UNC5D: variants seen among roughly 807,000 people sequenced by gnomAD.
UNC5D encodes the protein unc-5 netrin receptor D, also known as netrin receptor UNC5D.
A neutral mutation model predicts 105.4 loss-of-function variants in UNC5D; 39 were observed. The observed-to-expected ratio is 0.37, with a 90% confidence interval of 0.29 to 0.48. UNC5D has a LOEUF of 0.48. Ranked by LOEUF, UNC5D falls within the 20% of genes least tolerant of loss-of-function variation. The pLI is 0.98. For synonymous variants in UNC5D, 452 were observed against 450.4 expected, an observed-to-expected ratio of 1.00 and a Z score of -0.04; for missense variants, 991 against 1,202.4, an observed-to-expected ratio of 0.82 and a Z score of 2.60.
At chr8:35,400,556 TAAAAC>T (rs1804393059) in intron 1 of UNC5D, among the ~76,000 whole-genome samples, 1 of 152,166 alleles carries the variant, frequency 6.6e-6, no homozygotes, top group Non-Finnish European at 1.5e-5. Flanking sequence ...TTTTGGTTAA[TAAAAC>T]AAAACCCTGC....
chr8:35,781,221 A>C (rs921912199), intron 16 of UNC5D, among the ~76,000 whole-genome samples: 1 of 152,324 alleles, frequency 6.6e-6, no homozygotes. Flanking sequence ...CCAGTGATTC[A>C]TGAAACTGCC....
At chr8:35,354,267 C>G (rs887458223) in intron 1 of UNC5D, among the ~76,000 whole-genome samples, 1 of 151,608 alleles carries the variant, frequency 6.6e-6, no homozygotes, top group Admixed American at 6.6e-5. Context: ...CTTTTCTTTC[C>G]CCCCCTCTCT....
chr8:35,354,771 G>A (rs1373906903), intron 1 of UNC5D, among the ~76,000 whole-genome samples: 6 of 152,126 alleles, frequency 3.9e-5, no homozygotes, highest in Admixed American at 2.0e-4. Flanking sequence ...TCTGCGTCAG[G>A]ATGTTGGGAA....
intron 3 of UNC5D, among the ~76,000 whole-genome samples, chr8:35,591,855 C>T (rs915147452): frequency 6.6e-6 from 1 of 152,158 alleles, no homozygotes; most frequent in African/African-American, 2.4e-5. Context: ...TAGTAGAGGA[C>T]ATTTCTTACT....
chr8:35,680,894 T>C (rs1179006527), intron 4 of UNC5D, among the ~76,000 whole-genome samples: 3 of 152,160 alleles, frequency 2.0e-5, no homozygotes, highest in African/African-American at 7.2e-5. Context: ...GAGAAGTGCT[T>C]GCTAGATGCT....
At chr8:35,768,794 A>G (rs1477333115) in intron 15 of UNC5D, among the ~76,000 whole-genome samples, 1 of 152,200 alleles carries the variant, frequency 6.6e-6, no homozygotes, top group African/African-American at 2.4e-5. Flanking sequence ...TCACTTAGAA[A>G]TGCCTTGCAG....
chr8:35,762,940 A>G (rs1801606166), intron 14 of UNC5D, among the ~76,000 whole-genome samples: 1 of 152,222 alleles, frequency 6.6e-6, no homozygotes, highest in Non-Finnish European at 1.5e-5. Context: ...TTATAATAGG[A>G]GTCAAAATGA....
chr8:35,650,745 T>C (rs1823355032), intron 4 of UNC5D, among the ~76,000 whole-genome samples: 1 of 152,162 alleles, frequency 6.6e-6, no homozygotes, highest in Non-Finnish European at 1.5e-5. Context: ...GTGCTGGGAT[T>C]ATAGGCATGA....
chr8:35,790,238 T>C, intron 16 of UNC5D, 121 bp from the exon 17 acceptor site: 1 of 1,095,848 alleles, frequency 9.1e-7, no homozygotes, highest in South Asian at 1.5e-5. Flanking sequence ...TACTATAGCT[T>C]TTTATCCCTA....
chr8:35,789,421 A>G (rs923515279), intron 16 of UNC5D, among the ~76,000 whole-genome samples: 9 of 151,602 alleles, frequency 5.9e-5, no homozygotes, highest in African/African-American at 1.9e-4. Context: ...GCAACGGAGA[A>G]GCTGATGAGT....
chr8:35,262,472 G>T (rs1231445828), intron 1 of UNC5D, among the ~76,000 whole-genome samples: 1 of 152,140 alleles, frequency 6.6e-6, no homozygotes, highest in Non-Finnish European at 1.5e-5. Context: ...ATTGAACACA[G>T]CCAAACCAGC....
At chr8:35,586,373 T>C (rs552478278) in intron 3 of UNC5D, among the ~76,000 whole-genome samples, 111 of 152,180 alleles carry the variant, frequency 7.3e-4, no homozygotes, top group African/African-American at 2.6e-3. Context: ...CAAAAGACTA[T>C]CACAATGAGG....
At chr8:35,279,070 T>C (rs1805968810) in intron 1 of UNC5D, among the ~76,000 whole-genome samples, 1 of 152,156 alleles carries the variant, frequency 6.6e-6, no homozygotes, top group African/African-American at 2.4e-5. Context: ...GGCTCCCTGC[T>C]ATGACCGCCA....
chr8:35,546,953 C>A (rs1815727341), intron 1 of UNC5D, among the ~76,000 whole-genome samples: 1 of 152,110 alleles, frequency 6.6e-6, no homozygotes, highest in African/African-American at 2.4e-5. Flanking sequence ...TTGATGCTGA[C>A]AATTACTTGA....
intron 8 of UNC5D, among the ~76,000 whole-genome samples, chr8:35,710,862 T>C (rs1827891759): frequency 6.6e-6 from 1 of 152,136 alleles, no homozygotes. Context: ...CATCAGTTTA[T>C]CTGATCTATC....
At chr8:35,679,995 C>T (rs1448885962) in intron 4 of UNC5D, among the ~76,000 whole-genome samples, 2 of 152,126 alleles carry the variant, frequency 1.3e-5, no homozygotes, top group Non-Finnish European at 2.9e-5. Context: ...TATTCGAGGT[C>T]AGATCTCTCA....
chr8:35,697,338 T>G (rs1206470341), intron 7 of UNC5D, among the ~76,000 whole-genome samples: 3 of 151,690 alleles, frequency 2.0e-5, no homozygotes, highest in Non-Finnish European at 4.4e-5. Flanking sequence ...AGATTATGTT[T>G]TTTTTTTTTT....
At chr8:35,446,776 A>T (rs62505487) in intron 1 of UNC5D, among the ~76,000 whole-genome samples, 7,102 of 152,060 alleles carry the variant, frequency 0.047, 241 homozygotes, top group Non-Finnish European at 0.069. Context: ...GCCCATACCC[A>T]CACTTTATTG....
intron 1 of UNC5D, among the ~76,000 whole-genome samples, chr8:35,356,326 C>T (rs1160795490): frequency 6.6e-6 from 1 of 152,172 alleles, no homozygotes; most frequent in Non-Finnish European, 1.5e-5. Context: ...TTTACTACTA[C>T]AGTACTCCCT....
Sources: gnomAD v4.1 joint callset for allele counts (sites outside exome capture counted in the v4.1 genomes callset) on GRCh38, gnomAD v4.1.1 for gene constraint, MANE v1.5 for transcripts, NCBI Gene and HGNC (gene_info 2026-07-23, HGNC 2026-07-21) for gene names.